Variants in MARF1 observed in about 807,000 individuals in gnomAD.
The protein encoded by MARF1 is meiosis regulator and mRNA stability factor 1, also known as limkain-b1.
Under a neutral mutation model 168.2 loss-of-function variants are expected in MARF1, and 24 were observed. That is an observed-to-expected ratio of 0.14 (90% confidence interval 0.10 to 0.20). MARF1 has a LOEUF of 0.20. Among genes scored for constraint, MARF1 ranks in the 10% least tolerant of loss-of-function variants. The pLI, the probability that MARF1 is intolerant of heterozygous loss-of-function variation, is 1.00. For synonymous variants in MARF1, 868 were observed against 822.4 expected (o/e 1.06, Z -0.95); for missense variants, 1,744 against 2,143.6 (o/e 0.81, Z 3.68).
chr16:15,635,274 C>T (rs959648186), intron 3 of MARF1: 7 of 386,532 alleles, frequency 1.8e-5, no homozygotes, highest in African/African-American at 1.0e-4. Context: ...CTTCAGGTTT[C>T]CCACATTATT....
rs757613401 is a variant in MARF1, at chr16:15,625,453, G to A, written c.1872C>T (p.Ser624=). 3.1e-6 allele frequency: 5 copies of A among 1,614,172 alleles called. No homozygotes were observed. In the South Asian group the frequency reaches 3.3e-5, roughly 11 times the overall value. Reference sequence around the variant, plus strand: ...CTTTTCCAGGCGTGGCTTTGGCACTGGAAGATTGTTCACTTGCATCTTTGA... The same window carrying A: ...CTTTTCCAGGCGTGGCTTTGGCACTAGAAGATTGTTCACTTGCATCTTTGA... ...CLIKDASEQS[S]SAKATPGKGS... is the part of the protein sequence containing the mutation. The change falls in exon 8 of 27, where the codon TCC becomes TCT. Residue 624 remains serine (S), a synonymous_variant. Coordinates refer to ENST00000396368, the MANE Select transcript of MARF1 (RefSeq NM_014647.4).
chr16:15,607,417 C>T (rs967644492), intron 21 of MARF1, among the ~76,000 whole-genome samples: 5 of 152,170 alleles, frequency 3.3e-5, no homozygotes, highest in Admixed American at 6.5e-5. Flanking sequence ...GGCGTAGTGG[C>T]GGGCGCCTGT....
intron 16 of MARF1, among the ~76,000 whole-genome samples, chr16:15,615,194 T>C (rs1260810940): frequency 6.6e-6 from 1 of 152,192 alleles, no homozygotes; most frequent in Non-Finnish European, 1.5e-5. Context: ...TTACATAGCT[T>C]ATGTTGGTAC....
At chr16:15,613,661 C>CAATCAATAAATAAATA (rs2033776413) in intron 16 of MARF1, among the ~76,000 whole-genome samples, 1 of 126,648 alleles carries the variant, frequency 7.9e-6, no homozygotes, top group Admixed American at 8.2e-5. Flanking sequence ...GATTCCGTCT[C>CAATCAATAAATAAATA]AATAAATAAA....
chr16:15,614,054 G>C (rs1205867579), intron 16 of MARF1, among the ~76,000 whole-genome samples: 2 of 152,160 alleles, frequency 1.3e-5, no homozygotes, highest in Non-Finnish European at 2.9e-5. Flanking sequence ...CCCAAGTCTA[G>C]GTCCAAATAC....
chr16:15,622,699 A>G (rs1362745842), intron 11 of MARF1, among the ~76,000 whole-genome samples: 1 of 152,144 alleles, frequency 6.6e-6, no homozygotes, highest in Non-Finnish European at 1.5e-5. Flanking sequence ...TGCCATTTCA[A>G]TTTCTGCCTA....
chr16:15,622,337 T>C (rs1257684652), intron 11 of MARF1, among the ~76,000 whole-genome samples: 1 of 152,002 alleles, frequency 6.6e-6, no homozygotes, highest in Non-Finnish European at 1.5e-5. Flanking sequence ...CCTACCTGTA[T>C]TTCAGCAGGA....
intron 7 of MARF1, among the ~76,000 whole-genome samples, chr16:15,626,592 G>C (rs1207625295): frequency 6.6e-6 from 1 of 152,188 alleles, no homozygotes; most frequent in African/African-American, 2.4e-5. Flanking sequence ...CAGATTGCCA[G>C]TAGTTAGGCT....
chr16:15,599,511 G>A (rs968104072), intron 25 of MARF1, among the ~76,000 whole-genome samples: 3 of 152,170 alleles, frequency 2.0e-5, no homozygotes, highest in Non-Finnish European at 4.4e-5. Flanking sequence ...GGGCAGCTTC[G>A]GCAGATGATT....
At chr16:15,624,993 T>C (rs906454612) in intron 9 of MARF1, 23 bp downstream of exon 9, 2 of 1,613,634 alleles carry the variant, frequency 1.2e-6, no homozygotes, top group Admixed American at 1.7e-5. Context: ...GAAGCAGCTA[T>C]GAGAAAGAGT....
Position 15,595,668 on chromosome 16 carries a change from G to C in MARF1, c.*1025C>G, listed in dbSNP as rs2031609999. On this transcript the variant is annotated 3_prime_UTR_variant, in exon 27 of 27. Coordinates refer to ENST00000396368, the MANE Select transcript of MARF1 (RefSeq NM_014647.4). ...ACATACACACACATAAAGCTTCCCA[G>C]CTACCGATACCAGCTTTAAAATTAC... 6.6e-6 allele frequency: 1 copy of C among 152,202 alleles called. No individual in the cohort carries two copies. Among genetic ancestry groups the C allele is most frequent in the East Asian group, 1.9e-4 (1 of 5,196 alleles). 9.4% of individuals were successfully genotyped at this position (152,202 alleles called of 1,614,324 possible). A position where few individuals can be genotyped will look rare whatever the true frequency, so the allele number is the denominator to read the frequency against.
Position 15,633,860 on chromosome 16 carries a change from A to G in MARF1, c.1007-17T>C. The G allele has an allele frequency of 6.4e-7, 1 of 1,565,778 alleles. No homozygotes were observed. Among genetic ancestry groups the G allele is most frequent in the Non-Finnish European group, 8.7e-7 (1 of 1,145,010 alleles). On this transcript the variant is annotated splice_polypyrimidine_tract_variant and intron_variant, in intron 4 of 26. Transcript: ENST00000396368. ...CTGGTGACCCTTAAGAAATGTTAAC[A>G]TTTTCAATTACTTGTAGTGGAAAAT...
rs764481721 is a variant in MARF1 at position 15,596,947 on chromosome 16, C to T, written c.4985-10G>A. 1.5e-5 allele frequency: 24 copies of T among 1,589,750 alleles called. No individual in the cohort carries two copies. The highest frequency in any genetic ancestry group is 2.7e-5 in the African/African-American group (2 of 74,256). On this transcript the variant is annotated splice_polypyrimidine_tract_variant and intron_variant, in intron 26 of 26. Transcript: ENST00000396368. ...TTTAAAATCATAATTTCTGTAAACA[C>T]AGAAAAGCAAACAGATTCAGATCCA... is the stretch of plus-strand genomic sequence containing the variant.
At chr16:15,640,782 T>G (rs994751908) in intron 1 of MARF1, among the ~76,000 whole-genome samples, 5 of 152,262 alleles carry the variant, frequency 3.3e-5, no homozygotes, top group African/African-American at 1.2e-4. Flanking sequence ...CTCATTCACT[T>G]AAATACTGCC....
intron 23 of MARF1, chr16:15,601,114 A>G (rs1000612543): frequency 5.2e-5 from 24 of 465,440 alleles, no homozygotes; most frequent in Non-Finnish European, 8.6e-6. Context: ...AGCATCTTAA[A>G]GTCCTCTCCC....
chr16:15,602,075 G>C lies in MARF1; in HGVS notation c.4542C>G (p.Ala1514=), dbSNP rs767875924. 1 of 1,614,082 alleles carries C rather than the reference G, an allele frequency of 6.2e-7. No homozygotes were observed. Among genetic ancestry groups the C allele is most frequent in the Non-Finnish European group, 8.5e-7 (1 of 1,180,026 alleles). Residue 1514 remains alanine (A), a synonymous_variant, in exon 23 of 27, where the codon GCC becomes GCG. Coordinates refer to ENST00000396368, the MANE Select transcript of MARF1 (RefSeq NM_014647.4). The part of the protein sequence containing the change: ...QQIFLHEFSM[A]YTKYVGETLQ... ...GAGTTTCTCCGACATACTTGGTATA[G>C]GCCATGGAAAACTCATGAAGGAAAA...
chr16:15,631,552 C>G, intron 5 of MARF1, 54 bp from the exon 6 acceptor site: 1 of 1,224,840 alleles, frequency 8.2e-7, no homozygotes, highest in South Asian at 1.3e-5. Flanking sequence ...TAGAAAATTG[C>G]TACACATTCT....
At chr16:15,637,702 A>G (rs1009537242) in intron 2 of MARF1, among the ~76,000 whole-genome samples, 2 of 152,206 alleles carry the variant, frequency 1.3e-5, no homozygotes, top group Non-Finnish European at 2.9e-5. Flanking sequence ...CATGAGGACC[A>G]GATCTACCAC....
intron 5 of MARF1, among the ~76,000 whole-genome samples, chr16:15,631,873 T>A (rs879453025): frequency 3.3e-5 from 5 of 152,210 alleles, no homozygotes; most frequent in Non-Finnish European, 5.9e-5. Context: ...CTACATTAGT[T>A]TGCTGAGAAT....
Sources: allele counts gnomAD v4.1 joint callset (sites outside exome capture counted in the v4.1 genomes callset), GRCh38; gene constraint gnomAD v4.1.1; transcripts MANE v1.5; gene names NCBI Gene and HGNC (gene_info 2026-07-23, HGNC 2026-07-21).